DSCAM: variants seen among roughly 807,000 people sequenced by gnomAD.
The protein encoded by DSCAM is cell adhesion molecule DSCAM.
A neutral mutation model predicts 217.7 loss-of-function variants in DSCAM; 47 were observed. The ratio of observed to expected loss-of-function variants is 0.22; its 90% confidence interval spans 0.17 to 0.28. DSCAM has a LOEUF of 0.28. Among genes scored for constraint, DSCAM ranks in the 10% least tolerant of loss-of-function variants. The pLI is 1.00. For missense variants in DSCAM, 2,080 were observed against 2,618.3 expected, an observed-to-expected ratio of 0.79 and a Z score of 4.49; for synonymous variants, 1,056 against 1,015.3, an observed-to-expected ratio of 1.04 and a Z score of -0.76.
intron 11 of DSCAM, among the ~76,000 whole-genome samples, chr21:40,263,961 A>C (rs920324527): frequency 3.9e-5 from 6 of 152,204 alleles, no homozygotes; most frequent in Non-Finnish European, 7.3e-5. Context: ...GAGGAAATAA[A>C]TAAGTTCCTG....
intron 11 of DSCAM, among the ~76,000 whole-genome samples, chr21:40,200,754 TG>T (rs1280307722): frequency 1.3e-5 from 2 of 152,238 alleles, no homozygotes; most frequent in Non-Finnish European, 2.9e-5. Flanking sequence ...TTTCCTCATC[TG>T]TAAGAACAAT....
At chr21:40,359,112 T>C (rs2074729142) in intron 4 of DSCAM, among the ~76,000 whole-genome samples, 1 of 152,100 alleles carries the variant, frequency 6.6e-6, no homozygotes, top group African/African-American at 2.4e-5. Flanking sequence ...ATGACTGCAA[T>C]AAAATCACAA....
chr21:40,229,689 T>C (rs1193438805), intron 11 of DSCAM, among the ~76,000 whole-genome samples: 2 of 152,256 alleles, frequency 1.3e-5, no homozygotes, highest in Admixed American at 6.5e-5. Context: ...ACTTTATAGC[T>C]GAATAATATT....
At chr21:40,272,393 T>C (rs2073630570) in intron 11 of DSCAM, among the ~76,000 whole-genome samples, 2 of 152,206 alleles carry the variant, frequency 1.3e-5, no homozygotes, top group African/African-American at 4.8e-5. Flanking sequence ...TCCATCCCAT[T>C]GATTGCTTTC....
rs961086219 is a variant in DSCAM at position 40,659,583 on chromosome 21, T to A, written c.508+33227A>T. ...ATCTATTTATCTATGTATCTATCTT[T>A]CATCTATCTGCCTTTCTACCATCTA... On this transcript the variant is annotated intron_variant, in intron 3 of 32. Coordinates refer to ENST00000400454, the MANE Select transcript of DSCAM (RefSeq NM_001389.5). Among the ~76,000 whole-genome samples, 3 of 152,226 alleles carry A rather than the reference T, an allele frequency of 2.0e-5. No homozygotes were observed. In the East Asian group the frequency reaches 5.8e-4, roughly 29 times the overall value.
rs115808519 is a variant in DSCAM, at chr21:40,235,074, A to G, written c.2356+41023T>C. ...AGTAATTTATTTGCCTGTGTAATTA[A>G]AGAATCTACTACACTACATGCAAGA... On this transcript the variant is annotated intron_variant, in intron 11 of 32. Transcript: ENST00000400454. 8.9e-4 allele frequency among the ~76,000 whole-genome samples: 136 copies of G among 152,356 alleles called. 2 individuals are homozygous for G. Among genetic ancestry groups the G allele is most frequent in the African/African-American group, 2.8e-3 (116 of 41,584 alleles).
intron 24 of DSCAM, among the ~76,000 whole-genome samples, chr21:40,081,805 G>A (rs1023585182): frequency 6.6e-6 from 1 of 152,142 alleles, no homozygotes; most frequent in Non-Finnish European, 1.5e-5. Flanking sequence ...AATGGCTTTG[G>A]CCACTACTGT....
chr21:40,351,343 G>A (rs571653686), intron 5 of DSCAM, among the ~76,000 whole-genome samples: 2 of 152,286 alleles, frequency 1.3e-5, no homozygotes, highest in Admixed American at 1.3e-4. Context: ...ATAATAACAA[G>A]AGCCATTTGG....
rs911439706 is a variant in DSCAM at position 40,562,252 on chromosome 21, AATTCTC to A, written c.508+130552_508+130557del. ...CATGCGGTTCTCATGATAGTGAGTG[AATTCTC>A]ACGAGATCTGATGGTTTTATAAATG... On this transcript the variant is annotated intron_variant, in intron 3 of 32. Coordinates refer to ENST00000400454, the MANE Select transcript of DSCAM (RefSeq NM_001389.5). Among the ~76,000 whole-genome samples the A allele has an allele frequency of 2.4e-4, 37 of 152,272 alleles. No homozygotes were observed. In the South Asian group the frequency reaches 7.1e-3, roughly 29 times the overall value.
intron 3 of DSCAM, among the ~76,000 whole-genome samples, chr21:40,539,460 C>T (rs1050445625): frequency 1.3e-5 from 2 of 151,116 alleles, no homozygotes; most frequent in Non-Finnish European, 2.9e-5. Context: ...TGTGTCACTG[C>T]ACTCCAGCCT....
intron 1 of DSCAM, among the ~76,000 whole-genome samples, chr21:40,752,976 C>T (rs756187371): frequency 4.6e-5 from 7 of 152,118 alleles, no homozygotes; most frequent in East Asian, 1.9e-4. Context: ...ACTTACATGG[C>T]TAACACCCTG....
At chr21:40,755,407 T>C (rs1457288698) in intron 1 of DSCAM, among the ~76,000 whole-genome samples, 1 of 152,076 alleles carries the variant, frequency 6.6e-6, no homozygotes, top group African/African-American at 2.4e-5. Context: ...GATCATGTCA[T>C]TGCATTTCAG....
At chr21:40,704,945 C>A (rs2090696390) in intron 2 of DSCAM, among the ~76,000 whole-genome samples, 1 of 152,130 alleles carries the variant, frequency 6.6e-6, no homozygotes, top group South Asian at 2.1e-4. Flanking sequence ...TCTTGCTAAA[C>A]TGGCCTAACA....
chr21:40,121,046 G>A (rs1031364048), intron 20 of DSCAM, among the ~76,000 whole-genome samples: 2 of 152,002 alleles, frequency 1.3e-5, no homozygotes, highest in South Asian at 2.1e-4. Context: ...ATCCCCCTAT[G>A]TTCTACATTT....
rs186750486 is a variant in DSCAM, at chr21:40,572,267, T to C, written c.508+120543A>G. Among the ~76,000 whole-genome samples the C allele has an allele frequency of 8.1e-3, 1,237 of 152,240 alleles. 10 individuals carry two copies. The highest frequency in any genetic ancestry group is 0.014 in the Middle Eastern group (4 of 294). ...AGATTTTTTTAAAGTTTAGTATAAT[T>C]GAAAATTAGACTATGATAGTTAAGT... On this transcript the variant is annotated intron_variant, in intron 3 of 32. Coordinates refer to ENST00000400454, the MANE Select transcript of DSCAM (RefSeq NM_001389.5).
At chr21:40,339,558 C>T (rs1452950355) in intron 6 of DSCAM, 143 bp from the exon 7 acceptor site, 5 of 809,522 alleles carry the variant, frequency 6.2e-6, no homozygotes, top group Non-Finnish European at 9.5e-6. Flanking sequence ...TAAAGCAAAA[C>T]GTTAATCAGA....
intron 3 of DSCAM, among the ~76,000 whole-genome samples, chr21:40,550,251 G>A (rs548235731): frequency 2.6e-5 from 4 of 152,288 alleles, no homozygotes; most frequent in South Asian, 2.1e-4. Flanking sequence ...CTAGTCGGGC[G>A]CAGTGGCTCA....
At chr21:40,396,793 A>T (rs985109287) in intron 3 of DSCAM, among the ~76,000 whole-genome samples, 1 of 152,200 alleles carries the variant, frequency 6.6e-6, no homozygotes, top group Non-Finnish European at 1.5e-5. Context: ...ATTAATGTTT[A>T]TAGTTTCTTT....
At chr21:40,277,557 G>A (rs963589338) in intron 10 of DSCAM, among the ~76,000 whole-genome samples, 2 of 152,040 alleles carry the variant, frequency 1.3e-5, no homozygotes, top group African/African-American at 4.8e-5. Flanking sequence ...ATTGAATGAG[G>A]AGATCAAGTA....
Sources: allele counts gnomAD v4.1 joint callset (sites outside exome capture counted in the v4.1 genomes callset), GRCh38; gene constraint gnomAD v4.1.1; transcripts MANE v1.5; gene names NCBI Gene and HGNC (gene_info 2026-07-23, HGNC 2026-07-21).